The following ITGA7 variants were observed in gnomAD, a reference collection of about 807,000 sequenced individuals.
ITGA7 encodes the protein integrin subunit alpha 7, also known as integrin alpha-7.
In ITGA7, 84 loss-of-function variants were observed where a neutral mutation model predicts 131.6. The ratio of observed to expected loss-of-function variants is 0.64; its 90% confidence interval spans 0.54 to 0.77. The LOEUF (loss-of-function observed/expected upper bound fraction) is 0.77, where lower values mean the gene tolerates loss of function less well. Among genes scored for constraint, ITGA7 ranks in the 30% least tolerant of loss-of-function variants. ITGA7 has a pLI of 0.00. For synonymous variants in ITGA7, 548 were observed against 600.7 expected (o/e 0.91, Z 1.28); for missense variants, 1,399 against 1,482.9 (o/e 0.94, Z 0.93).
At chr12:55,698,682 CAG>C in intron 6 of ITGA7, 26 bp downstream of exon 6, 1 of 1,612,846 alleles carries the variant, frequency 6.2e-7, no homozygotes, top group Non-Finnish European at 8.5e-7. Flanking sequence ...CAGCCTCCCT[CAG>C]GTGGCACGGC....
In ITGA7 at chr12:55,692,972, C is replaced by T; in HGVS notation, c.2716G>A (p.Val906Met). Residue 906 changes from valine to methionine, a missense_variant, in exon 21 of 25, where the codon GTG (valine) becomes ATG (methionine). By Grantham distance (21) the Val-to-Met change is conservative. Transcript: ENST00000257879. ...CGCCGCCTCCTATCCCTACTGTCCA[C>T]ATCCTGGACACGGAAGGGGGGTCTT... ...SPRPNILHLD[V>M]DSRDRRRREL... is the part of the protein sequence containing the mutation. The T allele has an allele frequency of 6.2e-7, 1 of 1,614,076 alleles. No homozygotes were observed. The highest frequency in any genetic ancestry group is 1.1e-5 in the South Asian group (1 of 91,072).
chr12:55,692,848 G>C lies in ITGA7; in HGVS notation c.2840C>G (p.Thr947Ser). ...VSSAEKKKNI[T>S]LDCARGTANC... The stretch of plus-strand genomic sequence containing the variant: ...CCGAGTCTGGCCTGCCCTCACCAGG[G>C]TGATGTTTTTCTTCTTCTCAGCAGA... The change falls in exon 21 of 25, where the codon ACC becomes AGC. Residue 947 changes from threonine to serine, a missense_variant. By Grantham distance (58) the Thr-to-Ser change is moderately conservative. Coordinates refer to ENST00000257879, the MANE Select transcript of ITGA7 (RefSeq NM_002206.3). 6.2e-7 allele frequency: 1 copy of C among 1,611,184 alleles called. No homozygotes were observed. Among genetic ancestry groups the C allele is most frequent in the Non-Finnish European group, 8.5e-7 (1 of 1,178,768 alleles).
In ITGA7 at chr12:55,707,792, A is replaced by C; in HGVS notation, c.-110T>G. On this transcript the variant is annotated 5_prime_UTR_variant, in exon 1 of 25. Transcript: ENST00000257879. ...GTCTCCAAAGTCTCGTTGGTCTTTC[A>C]GACGTCTCCCAGACGTTCGCCCCGC... is the stretch of plus-strand genomic sequence containing the variant. The C allele has an allele frequency of 6.6e-7, 1 of 1,521,206 alleles. No homozygotes were observed. The highest frequency in any genetic ancestry group is 8.8e-7 in the Non-Finnish European group (1 of 1,134,874). The allele number at this position is 1,521,206 out of a possible 1,614,324, so 94.2% of individuals were successfully genotyped here.
chr12:55,688,111 G>A lies in ITGA7; in HGVS notation c.3058-15C>T. The A allele has an allele frequency of 6.2e-7, 1 of 1,614,172 alleles. No individual in the cohort carries two copies. Among genetic ancestry groups the A allele is most frequent in the Non-Finnish European group, 8.5e-7 (1 of 1,180,030 alleles). On this transcript the variant is annotated splice_polypyrimidine_tract_variant and intron_variant, in intron 23 of 24. Transcript: ENST00000257879. The stretch of plus-strand genomic sequence containing the variant: ...ATCACTGGGATCTGGGGAGCAAGGG[G>A]TCAATGGAGCAAGAGGTCAATGGAA...
At position 55,699,918 on chromosome 12, in the gene ITGA7, C is replaced by T. The variant is rs748953520; in HGVS notation, c.742G>A (p.Asp248Asn). 1 of 1,613,838 alleles carries T rather than the reference C, an allele frequency of 6.2e-7. No individual in the cohort carries two copies. The highest frequency in any genetic ancestry group is 8.5e-7 in the Non-Finnish European group (1 of 1,179,938). ...TCTCCGGCTGGTCCTGGGAGCCGGT[C>T]AGCAGGGTCCAAAGTTTTATACACC... ...QLVYKTLDPA[D>N]RLPGPAGDLA... The change falls in exon 5 of 25, where the codon GAC (aspartate) becomes AAC (asparagine). Residue 248 changes from aspartate (D) to asparagine (N), a missense_variant. Coordinates refer to ENST00000257879, the MANE Select transcript of ITGA7 (RefSeq NM_002206.3).
chr12:55,697,784 G>C lies in ITGA7; in HGVS notation c.1320C>G (p.Gly440=). 1 of 1,614,126 alleles carries C rather than the reference G, an allele frequency of 6.2e-7. No homozygotes were observed. Among genetic ancestry groups the C allele is most frequent in the Non-Finnish European group, 8.5e-7 (1 of 1,180,012 alleles). ...EGEAVGIKSF[G]YSLSGSLDMD... ...TATCCAAGCTGCCTGACAGGGAGTA[G>C]CCGAAGCTCTTGATGCCCACAGCCT... Residue 440 remains glycine (G), a synonymous_variant, in exon 9 of 25, where the codon GGC becomes GGG. Transcript: ENST00000257879.
chr12:55,697,660 G>T (rs755423629), intron 9 of ITGA7, 35 bp downstream of exon 9: 1 of 1,613,938 alleles, frequency 6.2e-7, no homozygotes, highest in Non-Finnish European at 8.5e-7. Context: ...AGGGGCTGAC[G>T]GCCTCAGGGA....
rs2135955748 is a variant in ITGA7 at position 55,688,253 on chromosome 12, G to A, written c.3006C>T (p.Ile1002=). Residue 1002 remains isoleucine (I), a synonymous_variant, in exon 23 of 25, where the codon ATC becomes ATT. Transcript: ENST00000257879. ...KSLEVIVRAN[I]TVKSSIKNLM... is the part of the protein sequence containing the mutation. ...AGTTCTTTATGGAGGACTTCACTGT[G>A]ATGTTGGCCCGGACAATCACTTCCA... is the stretch of plus-strand genomic sequence containing the variant. 1.9e-6 allele frequency: 3 copies of A among 1,614,176 alleles called. No individual in the cohort carries two copies. Among genetic ancestry groups the A allele is most frequent in the Non-Finnish European group, 2.5e-6 (3 of 1,180,006 alleles).
At chr12:55,704,176 C>T (rs1209512680) in intron 1 of ITGA7, among the ~76,000 whole-genome samples, 2 of 152,218 alleles carry the variant, frequency 1.3e-5, no homozygotes, top group African/African-American at 4.8e-5. Flanking sequence ...GGACAAACCT[C>T]AACGCCTCTC....
intron 19 of ITGA7, 28 bp from the exon 20 acceptor site, chr12:55,693,345 G>A (rs1364496827): frequency 6.5e-7 from 1 of 1,536,298 alleles, no homozygotes; most frequent in East Asian, 2.2e-5. Flanking sequence ...TATGAGGGGA[G>A]AGACCTCAGT....
chr12:55,700,010 C>A (rs1358025955), intron 4 of ITGA7, 21 bp from the exon 5 acceptor site: 1 of 1,613,540 alleles, frequency 6.2e-7, no homozygotes, highest in African/African-American at 1.3e-5. Flanking sequence ...TGGGGTGAGA[C>A]ACCAGGGAGG....
Position 55,694,433 on chromosome 12 carries a change from C to T in ITGA7, c.2357+10G>A, listed in dbSNP as rs1555160977. The T allele has an allele frequency of 1.5e-5, 24 of 1,613,998 alleles. No homozygotes were observed. The highest frequency in any genetic ancestry group is 1.9e-5 in the Non-Finnish European group (22 of 1,179,974). On this transcript the variant is annotated intron_variant, in intron 17 of 24. Coordinates refer to ENST00000257879, the MANE Select transcript of ITGA7 (RefSeq NM_002206.3). The surrounding 1 kb of genome is among the most constrained non-coding windows in gnomAD (Gnocchi z 5.3). ...CCCCCACCTCACCCTTCCGGCCCCGCCTGGCTTACGTGGCCAACAGCAGCT... is the reference window on the plus strand; with the variant it reads ...CCCCCACCTCACCCTTCCGGCCCCGTCTGGCTTACGTGGCCAACAGCAGCT...
upstream of ITGA7, chr12:55,716,249 G>T: frequency 3.2e-6 from 5 of 1,560,708 alleles, 1 homozygote; most frequent in South Asian, 4.7e-5. Flanking sequence ...CCTAGCTTCA[G>T]CCCGGAGCCT....
chr12:55,685,746 G>A lies in ITGA7; in HGVS notation c.3184-458C>T, dbSNP rs114048604. Among the ~76,000 whole-genome samples, 1,426 of 152,278 alleles carry A rather than the reference G, an allele frequency of 9.4e-3. 23 individuals are homozygous for A. Among genetic ancestry groups the A allele is most frequent in the African/African-American group, 0.033 (1,365 of 41,528 alleles). On this transcript the variant is annotated intron_variant, in intron 24 of 24. Transcript: ENST00000257879. ...CGTGTACTTGTACCTTGGGCGGCAC[G>A]CCCCTTACAGCAATACCCTCTTGTC... is the stretch of plus-strand genomic sequence containing the variant.
At chr12:55,704,464 C>T (rs1874767756) in intron 1 of ITGA7, among the ~76,000 whole-genome samples, 1 of 152,166 alleles carries the variant, frequency 6.6e-6, no homozygotes, top group Non-Finnish European at 1.5e-5. Flanking sequence ...CTATTGTATG[C>T]CAAGCCCTGT....
At chr12:55,688,769 G>T in intron 22 of ITGA7, 75 bp downstream of exon 22, 1 of 1,078,812 alleles carries the variant, frequency 9.3e-7, no homozygotes, top group Non-Finnish European at 1.4e-6. Flanking sequence ...CAGTGAGGAA[G>T]GAGGAGGAGA....
intron 12 of ITGA7, 71 bp downstream of exon 12, chr12:55,696,828 G>A (rs557530120): frequency 1.9e-6 from 3 of 1,563,634 alleles, no homozygotes; most frequent in Non-Finnish European, 1.8e-6. Context: ...GGAAAAAGCA[G>A]CTAAGAGGAA....
In ITGA7 at chr12:55,698,498, C is replaced by T. The variant is rs766418414; in HGVS notation, c.1077G>A (p.Leu359=). 6.2e-7 allele frequency: 1 copy of T among 1,614,050 alleles called. No homozygotes were observed. Among genetic ancestry groups the T allele is most frequent in the Non-Finnish European group, 8.5e-7 (1 of 1,179,978 alleles). ...EELGGAVYVY[L]NQGGHWAGIS... ...TCCCAGCCCAGTGACCCCCCTGGTTCAAGTACACATACACAGCACCCCCCA... is the reference window on the plus strand; with the variant it reads ...TCCCAGCCCAGTGACCCCCCTGGTTTAAGTACACATACACAGCACCCCCCA... The change falls in exon 7 of 25, where the codon TTG becomes TTA. Residue 359 remains leucine, a synonymous_variant. Transcript: ENST00000257879.
Position 55,698,987 on chromosome 12 carries a change from C to A in ITGA7, c.791-70G>T, listed in dbSNP as rs1873332256. The stretch of plus-strand genomic sequence containing the variant: ...AGAAGCTGGGGTGTGTCACAGCTCC[C>A]CCAGCCCCTGCCCCCTCCCTACAGG... On this transcript the variant is annotated intron_variant, in intron 5 of 24. Transcript: ENST00000257879. 2.2e-6 allele frequency: 3 copies of A among 1,393,458 alleles called. No homozygotes were observed. In the South Asian group the frequency reaches 3.7e-5, roughly 17 times the overall value. 86.3% of individuals were successfully genotyped at this position (1,393,458 alleles called of 1,614,324 possible).
Sources: allele counts gnomAD v4.1 joint callset (sites outside exome capture counted in the v4.1 genomes callset), GRCh38; gene constraint gnomAD v4.1.1; non-coding constraint Gnocchi (gnomAD v3.1); transcripts MANE v1.5; gene names NCBI Gene and HGNC (gene_info 2026-07-23, HGNC 2026-07-21).